The following ADCYAP1R1 variants were observed in gnomAD, a reference collection of about 807,000 sequenced individuals.
ADCYAP1R1 encodes the protein ADCYAP receptor type I.
In ADCYAP1R1, 44 loss-of-function variants were observed where a neutral mutation model predicts 67.6. The ratio of observed to expected loss-of-function variants is 0.65; its 90% CI spans 0.51 to 0.84. The LOEUF is 0.84. Ranked by LOEUF, ADCYAP1R1 falls within the 40% of genes least tolerant of loss-of-function variation. The pLI, the probability that ADCYAP1R1 is intolerant of heterozygous loss-of-function variation, is 0.00. For synonymous variants in ADCYAP1R1, 222 were observed against 219.6 expected, an observed-to-expected ratio of 1.01 and a Z score of -0.10; for missense variants, 477 against 587.9, an observed-to-expected ratio of 0.81 and a Z score of 1.95.
At position 31,108,475 on chromosome 7, in the gene ADCYAP1R1, C is replaced by A. The variant is rs1372257910; in HGVS notation, c.*1791C>A. The A allele has an allele frequency of 6.6e-6, 1 of 152,332 alleles. No individual in the cohort carries two copies. The highest frequency in any genetic ancestry group is 1.9e-4 in the East Asian group (1 of 5,178). 9.4% of individuals were successfully genotyped at this position (152,332 alleles called of 1,614,324 possible). A position where few individuals can be genotyped will look rare whatever the true frequency, so the allele number is the denominator to read the frequency against. On this transcript the variant is annotated 3_prime_UTR_variant, in exon 16 of 16. Transcript: ENST00000304166. ...ACTGAAGCAAGGGTCCTGTGGACAT[C>A]TTGCATTTTGGGCACTGCTAGGGGG...
intron 3 of ADCYAP1R1, among the ~76,000 whole-genome samples, chr7:31,066,612 T>G (rs1456852428): frequency 2.0e-5 from 3 of 152,200 alleles, no homozygotes; most frequent in Admixed American, 6.5e-5. Flanking sequence ...TTCTTAAACC[T>G]GGCTGCACAT....
Position 31,087,653 on chromosome 7 carries a change from C to G in ADCYAP1R1, c.911C>G (p.Ala304Gly), listed in dbSNP as rs750148464. Residue 304 changes from alanine to glycine, a missense_variant, in exon 12 of 16, where the codon GCT becomes GGT. Physicochemically the swap from Ala to Gly is moderately conservative, Grantham distance 60. Coordinates refer to ENST00000304166, the MANE Select transcript of ADCYAP1R1 (RefSeq NM_001118.5). ...TGCWDMNDST[A>G]LWWVIKGPVV... ...TGCTGGGATATGAATGACAGCACAGCTCTGTGGTGGGTGATCAAAGGCCCT... is the reference window on the plus strand; with the variant it reads ...TGCTGGGATATGAATGACAGCACAGGTCTGTGGTGGGTGATCAAAGGCCCT... 1 of 1,614,074 alleles carries G rather than the reference C, an allele frequency of 6.2e-7. No individual in the cohort carries two copies. Among genetic ancestry groups the G allele is most frequent in the Non-Finnish European group, 8.5e-7 (1 of 1,179,966 alleles).
intron 3 of ADCYAP1R1, among the ~76,000 whole-genome samples, chr7:31,071,667 C>T (rs2284222): frequency 3.3e-5 from 5 of 152,074 alleles, no homozygotes; most frequent in Non-Finnish European, 4.4e-5. Flanking sequence ...TGTTGGGGCC[C>T]GGCCTATTCT....
Position 31,056,840 on chromosome 7 carries a change from C to T in ADCYAP1R1, c.-72+4162C>T, listed in dbSNP as rs1012125328. On this transcript the variant is annotated intron_variant, in intron 1 of 15. Coordinates refer to ENST00000304166, the MANE Select transcript of ADCYAP1R1 (RefSeq NM_001118.5). ...CTTCCACAGACTGGCACCAGCCCTC[C>T]ACCTTCTCATCCACCTCATCACCTC... 5 of 152,406 alleles carry T rather than the reference C, an allele frequency of 3.3e-5. No individual in the cohort carries two copies. In the South Asian group the frequency reaches 1.0e-3, roughly 32 times the overall value. 9.4% of individuals were successfully genotyped at this position (152,406 alleles called of 1,614,324 possible).
rs545498745 is a variant in ADCYAP1R1 at position 31,054,905 on chromosome 7, T to G, written c.-72+2227T>G. ...GGAGCTGCCAAGTGGCTTTCCACCC[T>G]GGAAGGCCTAGAGGCCTCAGAGACC... On this transcript the variant is annotated intron_variant, in intron 1 of 15. Transcript: ENST00000304166. Among the ~76,000 whole-genome samples the G allele has an allele frequency of 3.3e-4, 51 of 152,312 alleles. 2 individuals carry two copies. In the South Asian group the frequency reaches 9.9e-3, roughly 30 times the overall value.
chr7:31,098,915 G>A (rs117260806), intron 13 of ADCYAP1R1, among the ~76,000 whole-genome samples: 2,390 of 152,264 alleles, frequency 0.016, 20 homozygotes, highest in Middle Eastern at 0.037. Context: ...TTAATTCATT[G>A]ACCAGCACCG....
chr7:31,085,934 G>A (rs1431738177), intron 9 of ADCYAP1R1, among the ~76,000 whole-genome samples: 1 of 152,156 alleles, frequency 6.6e-6, no homozygotes, highest in Non-Finnish European at 1.5e-5. Flanking sequence ...TAAAGTCCAG[G>A]GCCTTGACCA....
At chr7:31,088,334 A>G (rs1467789845) in intron 12 of ADCYAP1R1, among the ~76,000 whole-genome samples, 3 of 152,244 alleles carry the variant, frequency 2.0e-5, no homozygotes, top group African/African-American at 4.8e-5. Flanking sequence ...TGTTGCAAGT[A>G]TATTTCCATT....
Position 31,084,238 on chromosome 7 carries a change from G to C in ADCYAP1R1, c.426G>C (p.Glu142Asp). 1 of 1,613,980 alleles carries C rather than the reference G, an allele frequency of 6.2e-7. No homozygotes were observed. Among genetic ancestry groups the C allele is most frequent in the Non-Finnish European group, 8.5e-7 (1 of 1,179,962 alleles). The change falls in exon 7 of 16, where the codon GAG (glutamate) becomes GAC (aspartate). Residue 142 changes from glutamate (E) to aspartate (D), a missense_variant. Transcript: ENST00000304166. ...DACGFDEYES[E>D]TGDQDYYYLS... ...GTGGGTTTGATGAATATGAATCTGAGACTGGGGACCAGGTGAGTGTCTGCA... is the reference window on the plus strand; with the variant it reads ...GTGGGTTTGATGAATATGAATCTGACACTGGGGACCAGGTGAGTGTCTGCA...
chr7:31,078,313 G>A (rs1015621734), intron 4 of ADCYAP1R1, among the ~76,000 whole-genome samples: 1 of 152,152 alleles, frequency 6.6e-6, no homozygotes, highest in Admixed American at 6.5e-5. Flanking sequence ...GCAAGGCTGT[G>A]CCCTCACGCG....
At chr7:31,092,614 C>T in intron 12 of ADCYAP1R1, 30 bp from the exon 13 acceptor site, 1 of 1,522,118 alleles carries the variant, frequency 6.6e-7, no homozygotes, top group East Asian at 2.2e-5. Context: ...AGAATCATGT[C>T]CATCTGCTTT....
chr7:31,104,756 C>G (rs564537097), intron 14 of ADCYAP1R1, 112 bp from the exon 15 acceptor site: 14 of 1,228,668 alleles, frequency 1.1e-5, no homozygotes, highest in Non-Finnish European at 1.7e-5. Flanking sequence ...GCAGGTGCCC[C>G]CATCCAGGTC....
At chr7:31,094,573 T>G (rs1185465009) in intron 13 of ADCYAP1R1, among the ~76,000 whole-genome samples, 1 of 151,816 alleles carries the variant, frequency 6.6e-6, no homozygotes, top group Non-Finnish European at 1.5e-5. Flanking sequence ...CCCAACCTCT[T>G]CTCTGGGGGG....
At chr7:31,080,499 G>A in intron 4 of ADCYAP1R1, 114 bp from the exon 5 acceptor site, 1 of 1,064,710 alleles carries the variant, frequency 9.4e-7, no homozygotes, top group Non-Finnish European at 1.4e-6. Context: ...TTAATGTTTG[G>A]GGTTGGGAAG....
intron 3 of ADCYAP1R1, among the ~76,000 whole-genome samples, chr7:31,066,733 C>T (rs762171152): frequency 1.4e-4 from 21 of 152,290 alleles, no homozygotes; most frequent in South Asian, 4.1e-4. Flanking sequence ...GCTCCCCAGG[C>T]GATTCTAATG....
chr7:31,087,858 C>T (rs890808530), intron 12 of ADCYAP1R1, among the ~76,000 whole-genome samples, 162 bp downstream of exon 12: 5 of 152,182 alleles, frequency 3.3e-5, no homozygotes, highest in African/African-American at 9.7e-5. Flanking sequence ...TAGCTATTCC[C>T]CTAACACTGG....
At position 31,103,422 on chromosome 7, in the gene ADCYAP1R1, C is replaced by T. The variant is rs764754758; in HGVS notation, c.1176+56C>T. On this transcript the variant is annotated intron_variant, in intron 14 of 15. Coordinates refer to ENST00000304166, the MANE Select transcript of ADCYAP1R1 (RefSeq NM_001118.5). Reference sequence around the variant, plus strand: ...CACTGGGAGCCAGGGCCTGGTTGCTCACCTGCAAGTGGTGCTGGAGCCTCT... The same window carrying T: ...CACTGGGAGCCAGGGCCTGGTTGCTTACCTGCAAGTGGTGCTGGAGCCTCT... The T allele has an allele frequency of 6.8e-6, 11 of 1,611,258 alleles. No homozygotes were observed. In the South Asian group the frequency reaches 1.1e-4, roughly 16 times the overall value.
At chr7:31,098,226 G>A (rs1447635049) in intron 13 of ADCYAP1R1, among the ~76,000 whole-genome samples, 1 of 152,104 alleles carries the variant, frequency 6.6e-6, no homozygotes, top group Non-Finnish European at 1.5e-5. Flanking sequence ...GCTAGGAAAA[G>A]GTACATAATA....
At chr7:31,057,218 T>G (rs2128612668) in intron 1 of ADCYAP1R1, 1 of 152,536 alleles carries the variant, frequency 6.6e-6, no homozygotes, top group South Asian at 2.1e-4. Flanking sequence ...CCTACCTCCC[T>G]CTTCTCCCCG....
Sources: gnomAD v4.1 joint callset for allele counts (sites outside exome capture counted in the v4.1 genomes callset) on GRCh38, gnomAD v4.1.1 for gene constraint, MANE v1.5 for transcripts, NCBI Gene and HGNC (gene_info 2026-07-23, HGNC 2026-07-21) for gene names.